ENDOV: variants seen among roughly 807,000 people sequenced by gnomAD.
The protein encoded by ENDOV is endonuclease V, also known as hEndoV.
ENDOV carries 37 observed loss-of-function variants against 39.4 expected under a neutral mutation model. That is an observed-to-expected ratio of 0.94 (90% CI 0.72 to 1.23). The LOEUF is 1.23. Ranked by LOEUF, ENDOV falls within the 50% of genes most tolerant of loss-of-function variation. The pLI is 0.00. For synonymous variants in ENDOV, 186 were observed against 163.4 expected (o/e 1.14, Z -1.05); for missense variants, 441 against 375.7 (o/e 1.17, Z -1.44).
chr17:80,419,790 C>G (rs999303486), intron 2 of ENDOV: 14 of 660,872 alleles, frequency 2.1e-5, no homozygotes, highest in Non-Finnish European at 3.4e-5. Flanking sequence ...GAATCAAATG[C>G]AGGAACTTGG....
chr17:80,423,915 C>T (rs1375983744), intron 5 of ENDOV: 1 of 471,344 alleles, frequency 2.1e-6, no homozygotes, highest in Non-Finnish European at 3.7e-6. Context: ...GCTAAGTCCT[C>T]CAGTTACTGG....
intron 1 of ENDOV, 40 bp downstream of exon 1, chr17:80,415,290 G>A (rs927202386): frequency 1.2e-6 from 2 of 1,608,020 alleles, no homozygotes; most frequent in East Asian, 4.5e-5. Flanking sequence ...GGGGGCCGAG[G>A]CCGGGCGGCC....
At chr17:80,425,448 C>A in intron 6 of ENDOV, 44 bp from the exon 7 acceptor site, 2 of 1,564,064 alleles carry the variant, frequency 1.3e-6, no homozygotes, top group Non-Finnish European at 8.6e-7. Context: ...ACCCTGGTCC[C>A]GGTGGCCCAG....
intron 7 of ENDOV, among the ~76,000 whole-genome samples, chr17:80,426,262 C>T (rs1331848674): frequency 6.6e-6 from 1 of 152,180 alleles, no homozygotes; most frequent in Non-Finnish European, 1.5e-5. Context: ...CAGAGAAGCC[C>T]ACAGAGTGAG....
intron 7 of ENDOV, among the ~76,000 whole-genome samples, 169 bp downstream of exon 7, chr17:80,425,789 C>A (rs185690249): frequency 6.6e-6 from 1 of 152,142 alleles, no homozygotes; most frequent in Non-Finnish European, 1.5e-5. Flanking sequence ...CTTGCTGGGC[C>A]CTGCAGTCAG....
chr17:80,435,914 C>T (rs2145157997), intron 9 of ENDOV, among the ~76,000 whole-genome samples: 1 of 152,146 alleles, frequency 6.6e-6, no homozygotes, highest in Admixed American at 6.5e-5. Flanking sequence ...TTGTGTCCGG[C>T]CTAGTTTTTC....
chr17:80,426,256 GAA>G (rs2145036290), intron 7 of ENDOV, among the ~76,000 whole-genome samples: 1 of 152,346 alleles, frequency 6.6e-6, no homozygotes, highest in South Asian at 2.1e-4. Flanking sequence ...CTGTCCCAGA[GAA>G]GCCCACAGAG....
chr17:80,415,251 G>A lies in ENDOV; in HGVS notation c.56+1G>A, dbSNP rs763342550. 1.1e-5 allele frequency: 18 copies of A among 1,613,306 alleles called. No individual in the cohort carries two copies. The East Asian group carries it at 2.9e-4, about 26-fold the overall frequency. ...AGGAAACGCTGTCACTGTGGAAACG[G>A]TAATGCTGTCAGGCGACGCGCAGGA... is the stretch of plus-strand genomic sequence containing the variant. On this transcript the variant is annotated splice_donor_variant, in intron 1 of 9. Coordinates refer to ENST00000518137, the MANE Select transcript of ENDOV (RefSeq NM_173627.5). LOFTEE classifies it high-confidence loss of function.
intron 7 of ENDOV, 84 bp downstream of exon 7, chr17:80,425,704 C>T (rs2082614889): frequency 1.3e-6 from 2 of 1,526,652 alleles, no homozygotes; most frequent in East Asian, 2.4e-5. Context: ...AGCAGCTCAG[C>T]TGGGGTCAGA....
intron 5 of ENDOV, 57 bp from the exon 6 acceptor site, chr17:80,424,975 C>T (rs1334846724): frequency 4.8e-6 from 7 of 1,443,978 alleles, no homozygotes; most frequent in Non-Finnish European, 6.7e-6. Flanking sequence ...GACTTGCCTT[C>T]AGCCCTTCAC....
intron 2 of ENDOV, chr17:80,419,505 G>T: frequency 4.4e-6 from 3 of 686,330 alleles, no homozygotes; most frequent in South Asian, 3.0e-5. Context: ...AGCCTGTTGT[G>T]TGCTGGACGC....
chr17:80,430,243 C>G (rs1017680964), intron 9 of ENDOV: 1 of 1,471,442 alleles, frequency 6.8e-7, no homozygotes, highest in African/African-American at 1.4e-5. Flanking sequence ...GACGCTTTCC[C>G]GGAGCCGACG....
At chr17:80,430,227 G>T in intron 9 of ENDOV, 1 of 1,470,336 alleles carries the variant, frequency 6.8e-7, no homozygotes, top group Non-Finnish European at 9.0e-7. Context: ...TCCTGAGAGC[G>T]CATGAGACGC....
intron 9 of ENDOV, 195 bp downstream of exon 9, chr17:80,430,026 T>C: frequency 6.5e-7 from 1 of 1,535,982 alleles, no homozygotes; most frequent in Non-Finnish European, 8.7e-7. Flanking sequence ...TAGGGGAACC[T>C]CATCTCAGCC....
At chr17:80,419,465 CTGG>C in intron 2 of ENDOV, 1 of 645,892 alleles carries the variant, frequency 1.5e-6, no homozygotes, top group Non-Finnish European at 2.9e-6. Context: ...TGAGCGATGG[CTGG>C]TGTGTGCTGC....
At chr17:80,422,051 C>G (rs1321618090) in intron 3 of ENDOV, 89 bp downstream of exon 3, 102 of 1,566,196 alleles carry the variant, frequency 6.5e-5, no homozygotes, top group Non-Finnish European at 8.7e-5. Flanking sequence ...ACCACAGTGG[C>G]AGGGAGAGAC....
intron 9 of ENDOV, chr17:80,433,130 A>G (rs1295328287): frequency 1.9e-6 from 1 of 520,120 alleles, no homozygotes. Flanking sequence ...CACAGGTGGC[A>G]GGGAATTAGA....
intron 3 of ENDOV, 47 bp downstream of exon 3, chr17:80,422,009 TGG>T: frequency 6.3e-7 from 1 of 1,595,234 alleles, no homozygotes; most frequent in Non-Finnish European, 8.5e-7. Context: ...TCCTTCCCCC[TGG>T]GGGAGGGAAG....
At chr17:80,429,995 C>T in intron 9 of ENDOV, 164 bp downstream of exon 9, 3 of 1,539,766 alleles carry the variant, frequency 1.9e-6, no homozygotes, top group Non-Finnish European at 2.6e-6. Flanking sequence ...ACTGACCACC[C>T]CTGGGGGTGG....
Sources: allele counts gnomAD v4.1 joint callset (sites outside exome capture counted in the v4.1 genomes callset), GRCh38; gene constraint gnomAD v4.1.1; transcripts MANE v1.5; gene names NCBI Gene and HGNC (gene_info 2026-07-23, HGNC 2026-07-21).